SGCD: variants seen among roughly 807,000 people sequenced by gnomAD.
The protein encoded by SGCD is sarcoglycan delta, also known as delta-sarcoglycan.
Under a neutral mutation model 36.6 loss-of-function variants are expected in SGCD, and 18 were observed. The ratio of observed to expected loss-of-function variants is 0.49; its 90% CI spans 0.34 to 0.73. SGCD has a LOEUF of 0.73. Among genes scored for constraint, SGCD ranks in the 30% least tolerant of loss-of-function variants. The probability of loss-of-function intolerance (pLI) is 0.01; values close to 1 mark genes in which losing one functional copy is unlikely to be tolerated. For missense variants in SGCD, 387 were observed against 346.7 expected, an observed-to-expected ratio of 1.12 and a Z score of -0.92; for synonymous variants, 133 against 130.6, an observed-to-expected ratio of 1.02 and a Z score of -0.12.
At chr5:155,938,182 C>G (rs776175559) in intron 1 of SGCD, among the ~76,000 whole-genome samples, 1 of 152,198 alleles carries the variant, frequency 6.6e-6, no homozygotes, top group Non-Finnish European at 1.5e-5. Flanking sequence ...ATTCTTGGTG[C>G]CTGTGATACT....
chr5:156,096,255 C>T (rs542968914), intron 1 of SGCD, among the ~76,000 whole-genome samples: 1 of 152,270 alleles, frequency 6.6e-6, no homozygotes, highest in South Asian at 2.1e-4. Flanking sequence ...GCACAGATCT[C>T]CCATATGGGC....
chr5:156,024,122 T>G (rs1007259295), intron 1 of SGCD, among the ~76,000 whole-genome samples: 1 of 152,056 alleles, frequency 6.6e-6, no homozygotes, highest in Non-Finnish European at 1.5e-5. Context: ...TATCGGAAGG[T>G]ATAGGAAGCT....
chr5:156,525,707 T>A (rs1757617207), intron 4 of SGCD, among the ~76,000 whole-genome samples: 1 of 152,154 alleles, frequency 6.6e-6, no homozygotes, highest in Non-Finnish European at 1.5e-5. Context: ...AGTTTTACTG[T>A]TTCTGGTCTT....
chr5:155,778,327 A>G, the SGCD span, among the ~76,000 whole-genome samples: 12 of 152,192 alleles, frequency 7.9e-5, no homozygotes, highest in Admixed American at 7.2e-4. Flanking sequence ...CATATGCAAT[A>G]TTCTCTATTA....
intron 3 of SGCD, among the ~76,000 whole-genome samples, chr5:156,302,951 C>T (rs1042201068): frequency 1.3e-5 from 2 of 152,202 alleles, no homozygotes; most frequent in Non-Finnish European, 2.9e-5. Context: ...TTACCCAAAG[C>T]CTGCAGCAAC....
chr5:156,455,971 A>G (rs1177659746), intron 3 of SGCD, among the ~76,000 whole-genome samples: 1 of 152,170 alleles, frequency 6.6e-6, no homozygotes, highest in African/African-American at 2.4e-5. Flanking sequence ...GCCAGAAGCG[A>G]GGGAGAAGTC....
At position 155,920,990 on chromosome 5, in the gene SGCD, TG is replaced by T. The variant is rs569698075; in HGVS notation, c.-282+50571del. Among the ~76,000 whole-genome samples, 262 of 151,964 alleles carry T rather than the reference TG, an allele frequency of 1.7e-3. 1 individual carries two copies. The highest frequency in any genetic ancestry group is 3.9e-3 in the Admixed American group (60 of 15,246). On this transcript the variant is annotated intron_variant, in intron 1 of 9. Coordinates refer to the SGCD transcript ENST00000517913. ...ACCATGTAGGAGATAATTGAAGCAA[TG>T]GGGGTGATAACAGTGAAAAGAGAAG...
chr5:156,070,722 G>A (rs1286126847), intron 1 of SGCD, among the ~76,000 whole-genome samples: 2 of 152,066 alleles, frequency 1.3e-5, no homozygotes, highest in Non-Finnish European at 2.9e-5. Flanking sequence ...GTTCCTCCTT[G>A]TACCTCTGGT....
chr5:156,033,741 C>T (rs1357015761), intron 1 of SGCD, among the ~76,000 whole-genome samples: 1 of 152,148 alleles, frequency 6.6e-6, no homozygotes, highest in Admixed American at 6.5e-5. Context: ...TTAGGGAGGG[C>T]ATACTATGTG....
At chr5:156,033,290 T>C (rs1395689232) in intron 1 of SGCD, among the ~76,000 whole-genome samples, 1 of 152,154 alleles carries the variant, frequency 6.6e-6, no homozygotes, top group Non-Finnish European at 1.5e-5. Flanking sequence ...CTTACATACA[T>C]ATATTGCATA....
intron 3 of SGCD, among the ~76,000 whole-genome samples, chr5:156,151,187 T>C (rs1435753723): frequency 3.3e-5 from 5 of 151,754 alleles, no homozygotes; most frequent in Admixed American, 1.3e-4. Context: ...TGCTTTCTCC[T>C]CTTTCCTATC....
chr5:155,922,064 T>A (rs1260561164), intron 1 of SGCD, among the ~76,000 whole-genome samples: 1 of 152,176 alleles, frequency 6.6e-6, no homozygotes, highest in Non-Finnish European at 1.5e-5. Context: ...TTGAAGTAAT[T>A]TTTCTTTTGA....
At chr5:155,834,479 A>G in the SGCD span, among the ~76,000 whole-genome samples, 5 of 152,158 alleles carry the variant, frequency 3.3e-5, no homozygotes, top group African/African-American at 9.7e-5. Flanking sequence ...TGGTGCTCCA[A>G]TTCAGGAGAT....
intron 7 of SGCD, among the ~76,000 whole-genome samples, chr5:156,687,282 G>A (rs980185230): frequency 1.3e-5 from 2 of 152,336 alleles, no homozygotes; most frequent in East Asian, 1.9e-4. Flanking sequence ...CAGCACAAAT[G>A]TGGGGGGCTC....
At chr5:156,046,477 T>C (rs1042503730) in intron 1 of SGCD, among the ~76,000 whole-genome samples, 4 of 152,172 alleles carry the variant, frequency 2.6e-5, no homozygotes, top group Non-Finnish European at 5.9e-5. Context: ...GCCATTTTTT[T>C]CCAAAAGTGT....
At chr5:156,730,404 TG>T (rs2113804702) in intron 7 of SGCD, among the ~76,000 whole-genome samples, 1 of 152,304 alleles carries the variant, frequency 6.6e-6, no homozygotes, top group Non-Finnish European at 1.5e-5. Flanking sequence ...CCCCAGTGCA[TG>T]TTGTTCCCCT....
intron 3 of SGCD, among the ~76,000 whole-genome samples, chr5:156,156,364 C>T (rs534483718): frequency 3.3e-5 from 5 of 151,650 alleles, no homozygotes; most frequent in Admixed American, 3.3e-4. Flanking sequence ...CACGGTGGCT[C>T]ACACCTGTAA....
At chr5:156,163,396 C>T (rs1346882140) in intron 3 of SGCD, among the ~76,000 whole-genome samples, 1 of 151,472 alleles carries the variant, frequency 6.6e-6, no homozygotes, top group Non-Finnish European at 1.5e-5. Context: ...CTTGGCATGA[C>T]TCTGATGTAC....
intron 7 of SGCD, among the ~76,000 whole-genome samples, chr5:156,666,847 G>A (rs1360644185): frequency 2.0e-5 from 3 of 152,064 alleles, no homozygotes; most frequent in Non-Finnish European, 4.4e-5. Flanking sequence ...TTTCTACACA[G>A]ACACAGTAAC....
Sources: allele counts gnomAD v4.1 joint callset (sites outside exome capture counted in the v4.1 genomes callset), GRCh38; gene constraint gnomAD v4.1.1; transcripts MANE v1.5; gene names NCBI Gene and HGNC (gene_info 2026-07-23, HGNC 2026-07-21).